The following RHBDD1 variants were observed in gnomAD, a reference collection of about 807,000 sequenced individuals.
The protein encoded by RHBDD1 is rhomboid-related protein 4.
In RHBDD1, 38 loss-of-function variants were observed where a neutral mutation model predicts 36.3. The observed-to-expected ratio is 1.05, with a 90% CI of 0.81 to 1.37. The LOEUF (loss-of-function observed/expected upper bound fraction) is 1.37, where lower values mean the gene tolerates loss of function less well. RHBDD1 is among the 40% of genes most tolerant of loss of function. The pLI is 0.00. For synonymous variants in RHBDD1, 151 were observed against 136.5 expected, an observed-to-expected ratio of 1.11 and a Z score of -0.74; for missense variants, 393 against 377.6, an observed-to-expected ratio of 1.04 and a Z score of -0.34.
At chr2:226,866,399 GT>G (rs954129399) in intron 4 of RHBDD1, among the ~76,000 whole-genome samples, 5 of 151,826 alleles carry the variant, frequency 3.3e-5, no homozygotes, top group Admixed American at 6.6e-5. Context: ...TTTATTTGTA[GT>G]TTTTTTTCTG....
chr2:226,840,445 T>G (rs4673171), intron 3 of RHBDD1, among the ~76,000 whole-genome samples: 35,968 of 152,090 alleles, frequency 0.24, 7,926 homozygotes, highest in African/African-American at 0.59. Context: ...GGCAGGAAAA[T>G]CTCATTAAGG....
At chr2:226,930,130 A>C (rs1488586675) in intron 8 of RHBDD1, among the ~76,000 whole-genome samples, 1 of 151,896 alleles carries the variant, frequency 6.6e-6, no homozygotes, top group Non-Finnish European at 1.5e-5. Flanking sequence ...AGATACTAAC[A>C]CTGTTTTTCA....
intron 8 of RHBDD1, among the ~76,000 whole-genome samples, chr2:226,917,678 G>GT (rs977265578): frequency 6.6e-6 from 1 of 151,854 alleles, no homozygotes; most frequent in Non-Finnish European, 1.5e-5. Flanking sequence ...AAAATCATAG[G>GT]TTTTTTTCTT....
chr2:226,844,558 G>C (rs1040488329), intron 3 of RHBDD1, among the ~76,000 whole-genome samples: 1 of 152,180 alleles, frequency 6.6e-6, no homozygotes, highest in Non-Finnish European at 1.5e-5. Context: ...TTAAATGAGA[G>C]CAGGGAGTGG....
At position 226,995,439 on chromosome 2, in the gene RHBDD1, A is replaced by G. The variant is rs776427654; in HGVS notation, c.865A>G (p.Arg289Gly). ...TGGCTTTCTCACTACAGGAAATACC[A>G]GAAATAGCCCACCACCCTACGGGTT... is the stretch of plus-strand genomic sequence containing the variant. ...QASLWDRGNT[R>G]NSPPPYGFHL... Residue 289 changes from arginine (R) to glycine (G), a missense_variant, in exon 9 of 9, where the codon AGA (arginine) becomes GGA (glycine). Physicochemically the swap from Arg to Gly is moderately radical, Grantham distance 125 (BLOSUM62 -2). Coordinates refer to ENST00000392062, the MANE Select transcript of RHBDD1 (RefSeq NM_001167608.3). The G allele has an allele frequency of 6.2e-7, 1 of 1,610,432 alleles. No homozygotes were observed. Among genetic ancestry groups the G allele is most frequent in the South Asian group, 1.1e-5 (1 of 90,676 alleles).
chr2:226,894,724 C>T (rs1167907198), intron 5 of RHBDD1, among the ~76,000 whole-genome samples: 2 of 152,100 alleles, frequency 1.3e-5, no homozygotes, highest in East Asian at 1.9e-4. Flanking sequence ...AGGAACATTA[C>T]AAAATATTTA....
chr2:226,859,360 C>T (rs1943633370), intron 3 of RHBDD1, among the ~76,000 whole-genome samples: 1 of 152,092 alleles, frequency 6.6e-6, no homozygotes, highest in South Asian at 2.1e-4. Context: ...ATAGCATTTA[C>T]ATTGTATTAG....
chr2:226,899,441 T>TA (rs1947411562), intron 5 of RHBDD1, among the ~76,000 whole-genome samples: 1 of 152,158 alleles, frequency 6.6e-6, no homozygotes, highest in Non-Finnish European at 1.5e-5. Context: ...TGTCAGGAAA[T>TA]ACACAAGTGC....
At chr2:226,889,360 A>G (rs190336590) in intron 5 of RHBDD1, among the ~76,000 whole-genome samples, 23 of 152,240 alleles carry the variant, frequency 1.5e-4, no homozygotes, top group African/African-American at 5.5e-4. Context: ...TCCCCCTTTG[A>G]TCAGGGTTTT....
At chr2:226,806,224 A>C in the RHBDD1 span, among the ~76,000 whole-genome samples, 2 of 152,202 alleles carry the variant, frequency 1.3e-5, no homozygotes, top group East Asian at 3.8e-4. Flanking sequence ...AACTTAAGAA[A>C]TTTGTAATTG....
the RHBDD1 span, among the ~76,000 whole-genome samples, chr2:226,824,972 C>A: frequency 6.6e-6 from 1 of 152,162 alleles, no homozygotes; most frequent in South Asian, 2.1e-4. Context: ...AGCCAAAATG[C>A]CTAAGAATCA....
chr2:226,969,579 C>T (rs962085819), intron 8 of RHBDD1, among the ~76,000 whole-genome samples: 1 of 152,016 alleles, frequency 6.6e-6, no homozygotes, highest in Non-Finnish European at 1.5e-5. Context: ...CAATTGACTC[C>T]GTCACCAAAG....
At chr2:226,980,524 A>G (rs1955489591) in intron 8 of RHBDD1, among the ~76,000 whole-genome samples, 1 of 152,086 alleles carries the variant, frequency 6.6e-6, no homozygotes, top group Non-Finnish European at 1.5e-5. Context: ...CAGATCTACC[A>G]TCCTGAAGAC....
At chr2:226,816,839 T>C in the RHBDD1 span, among the ~76,000 whole-genome samples, 31 of 139,608 alleles carry the variant, frequency 2.2e-4, 3 homozygotes, top group East Asian at 4.6e-3. Context: ...AAGGTTGCAG[T>C]GGGCCCAGAT....
At chr2:226,835,979 C>G (rs773197627), upstream of RHBDD1, 2 of 152,634 alleles carry the variant, frequency 1.3e-5, no homozygotes, top group African/African-American at 4.8e-5. Context: ...CTTTAAGGCC[C>G]TCCCCTCCCG....
At chr2:226,916,225 G>C in intron 8 of RHBDD1, among the ~76,000 whole-genome samples, 1 of 152,200 alleles carries the variant, frequency 6.6e-6, no homozygotes, top group East Asian at 1.9e-4. Flanking sequence ...CCTCTTGGAG[G>C]AACCGCAAAG....
intron 5 of RHBDD1, chr2:226,869,221 T>A: frequency 1.0e-6 from 1 of 979,554 alleles, no homozygotes; most frequent in Non-Finnish European, 1.2e-6. Context: ...CACCGGTAAT[T>A]CTGAGCTTGG....
chr2:226,964,181 G>T (rs536246187), intron 8 of RHBDD1, among the ~76,000 whole-genome samples: 4 of 152,006 alleles, frequency 2.6e-5, no homozygotes, highest in African/African-American at 9.7e-5. Context: ...ATCCTTCCCC[G>T]TTCCATTTAC....
chr2:226,930,908 A>C (rs1281499440), intron 8 of RHBDD1, among the ~76,000 whole-genome samples: 1 of 152,108 alleles, frequency 6.6e-6, no homozygotes, highest in East Asian at 1.9e-4. Context: ...ACTAATCATC[A>C]GGGAAATGCA....
Sources: gnomAD v4.1 joint callset for allele counts (sites outside exome capture counted in the v4.1 genomes callset) on GRCh38, gnomAD v4.1.1 for gene constraint, MANE v1.5 for transcripts, NCBI Gene and HGNC (gene_info 2026-07-23, HGNC 2026-07-21) for gene names.